Variants in LMO7 observed in about 807,000 individuals in gnomAD.
The protein encoded by LMO7 is LIM domain only protein 7.
LMO7 carries 120 observed loss-of-function variants against 206.5 expected under a neutral mutation model. The ratio of observed to expected loss-of-function variants is 0.58; its 90% confidence interval spans 0.50 to 0.68. The LOEUF (loss-of-function observed/expected upper bound fraction) is 0.68. LMO7 is among the 30% of genes least tolerant of loss of function. LMO7 has a pLI of 0.00. For missense variants in LMO7, 1,959 were observed against 1,957.9 expected, an observed-to-expected ratio of 1.00 and a Z score of -0.01; for synonymous variants, 706 against 681.5, an observed-to-expected ratio of 1.04 and a Z score of -0.56.
At chr13:75,850,295 A>G (rs1450333885) in intron 27 of LMO7, among the ~76,000 whole-genome samples, 2 of 152,222 alleles carry the variant, frequency 1.3e-5, no homozygotes, top group Admixed American at 1.3e-4. Flanking sequence ...GTATATGGAA[A>G]TAGGAGTTCT....
chr13:75,630,901 C>T (rs1035380366), intron 2 of LMO7, among the ~76,000 whole-genome samples: 27 of 152,218 alleles, frequency 1.8e-4, no homozygotes, highest in African/African-American at 6.5e-4. Flanking sequence ...GGTGATCCAC[C>T]TGCCTTGGCC....
At chr13:75,827,443 A>G (rs1286322107) in intron 15 of LMO7, among the ~76,000 whole-genome samples, 1 of 152,226 alleles carries the variant, frequency 6.6e-6, no homozygotes, top group Non-Finnish European at 1.5e-5. Context: ...GGAAGAACTT[A>G]ATATGGTCTT....
At chr13:75,800,305 C>T (rs1041896276) in intron 6 of LMO7, among the ~76,000 whole-genome samples, 23 of 152,238 alleles carry the variant, frequency 1.5e-4, no homozygotes, top group African/African-American at 5.5e-4. Flanking sequence ...TTCTTTTTGA[C>T]TCTTTTCACA....
chr13:75,838,543 C>G, intron 20 of LMO7: 1 of 290,004 alleles, frequency 3.4e-6, no homozygotes, highest in Non-Finnish European at 6.4e-6. Context: ...TTCATTTAAG[C>G]CTTACTGCTT....
chr13:75,758,988 A>G (rs1165456014), intron 3 of LMO7, among the ~76,000 whole-genome samples: 2 of 152,094 alleles, frequency 1.3e-5, no homozygotes, highest in Non-Finnish European at 2.9e-5. Context: ...AAGCAAAGAG[A>G]TTTAAATGAC....
Position 75,856,486 on chromosome 13 carries a change from C to CTTTTT in LMO7, c.4771-14_4771-10dup. 2 of 1,278,060 alleles carry CTTTTT rather than the reference C, an allele frequency of 1.6e-6. No individual in the cohort carries two copies. The allele number at this position is 1,278,060 out of a possible 1,614,324, so 79.2% of individuals were successfully genotyped here. A position where few individuals can be genotyped will look rare whatever the true frequency, so the allele number is the denominator to read the frequency against. Reference sequence around the variant, plus strand: ...CTTGAGCTGACTGATTGTAGATGTTCTTTTTTTTTTGTTCCCCAGTGTGTT... The same window carrying CTTTTT: ...CTTGAGCTGACTGATTGTAGATGTTCTTTTTTTTTTTTTTTGTTCCCCAGTGTGTT... On this transcript the variant is annotated intron_variant, in intron 29 of 30. Transcript: ENST00000377534.
intron 3 of LMO7, among the ~76,000 whole-genome samples, chr13:75,731,325 C>T (rs1167488851): frequency 6.6e-6 from 1 of 152,114 alleles, no homozygotes; most frequent in African/African-American, 2.4e-5. Flanking sequence ...GTATTGGGTG[C>T]ATATATATTT....
chr13:75,711,234 C>T (rs2043089467), intron 1 of LMO7, among the ~76,000 whole-genome samples: 1 of 152,174 alleles, frequency 6.6e-6, no homozygotes, highest in Admixed American at 6.5e-5. Flanking sequence ...CATTGATGTT[C>T]ATCAGGGATA....
At chr13:75,667,394 GTAATGT>G (rs2039167195) in intron 1 of LMO7, among the ~76,000 whole-genome samples, 1 of 152,050 alleles carries the variant, frequency 6.6e-6, no homozygotes, top group Admixed American at 6.6e-5. Flanking sequence ...TTGTTATCCA[GTAATGT>G]TAGCTATTTT....
intron 20 of LMO7, chr13:75,839,794 C>A: frequency 7.3e-6 from 2 of 275,324 alleles, no homozygotes; most frequent in Non-Finnish European, 1.3e-5. Flanking sequence ...ATAAAAGAAC[C>A]CTGAAGCTTC....
chr13:75,786,284 G>A (rs1042068127), intron 4 of LMO7, among the ~76,000 whole-genome samples: 1 of 152,120 alleles, frequency 6.6e-6, no homozygotes, highest in Admixed American at 6.5e-5. Context: ...CCTTCTGTTG[G>A]TCTTGCTGGT....
At chr13:75,748,179 A>C (rs2047003957) in intron 3 of LMO7, among the ~76,000 whole-genome samples, 1 of 152,192 alleles carries the variant, frequency 6.6e-6, no homozygotes, top group Non-Finnish European at 1.5e-5. Flanking sequence ...TCCCAAGGGC[A>C]CCTTGATTTT....
At chr13:75,836,694 G>GC (rs1439389519) in intron 19 of LMO7, among the ~76,000 whole-genome samples, 3 of 152,194 alleles carry the variant, frequency 2.0e-5, no homozygotes, top group African/African-American at 7.2e-5. Flanking sequence ...AGCTTTGAGT[G>GC]CCTGAGTGCC....
intron 1 of LMO7, among the ~76,000 whole-genome samples, chr13:75,674,462 A>C (rs1862808305): frequency 6.6e-6 from 1 of 152,238 alleles, no homozygotes; most frequent in Admixed American, 6.5e-5. Flanking sequence ...CTGTCAAGAA[A>C]ATTGCTGTGG....
intron 4 of LMO7, among the ~76,000 whole-genome samples, chr13:75,768,754 C>G (rs2031242): frequency 0.53 from 81,114 of 151,732 alleles, 21,872 homozygotes; most frequent in South Asian, 0.64. Flanking sequence ...TTTTGTAGAG[C>G]TTAGGAATAT....
At chr13:75,720,642 A>G (rs558760602) in intron 2 of LMO7, among the ~76,000 whole-genome samples, 82 of 152,362 alleles carry the variant, frequency 5.4e-4, no homozygotes, top group African/African-American at 1.9e-3. Flanking sequence ...CCCTGAGACT[A>G]TTCAAGCTTT....
At chr13:75,676,048 G>T (rs2039989464) in intron 1 of LMO7, among the ~76,000 whole-genome samples, 1 of 152,324 alleles carries the variant, frequency 6.6e-6, no homozygotes, top group East Asian at 1.9e-4. Flanking sequence ...GTATATATGT[G>T]TATTTAGGAT....
chr13:75,817,115 C>G, intron 11 of LMO7, 46 bp from the exon 12 acceptor site: 1 of 1,382,596 alleles, frequency 7.2e-7, no homozygotes. Flanking sequence ...ACCCCTAAGT[C>G]TGGTCATGTG....
chr13:75,728,243 G>A (rs1321145302), intron 3 of LMO7, among the ~76,000 whole-genome samples: 9 of 152,314 alleles, frequency 5.9e-5, no homozygotes, highest in Admixed American at 2.0e-4. Flanking sequence ...CCCACCAACA[G>A]TGTAAAAGTG....
Sources: allele counts gnomAD v4.1 joint callset (sites outside exome capture counted in the v4.1 genomes callset), GRCh38; gene constraint gnomAD v4.1.1; transcripts MANE v1.5; gene names NCBI Gene and HGNC (gene_info 2026-07-23, HGNC 2026-07-21).